Variants in RALGAPA2 observed in about 807,000 individuals in gnomAD.
RALGAPA2 encodes ral GTPase-activating protein subunit alpha-2.
In RALGAPA2, 139 loss-of-function variants were observed where a neutral mutation model predicts 230.4. That is an observed-to-expected ratio of 0.60 (90% CI 0.53 to 0.69). The LOEUF is 0.69. Among genes scored for constraint, RALGAPA2 ranks in the 30% least tolerant of loss-of-function variants. RALGAPA2 has a pLI of 0.00. For missense variants in RALGAPA2, 2,163 were observed against 2,276.0 expected (o/e 0.95, Z 1.01); for synonymous variants, 847 against 837.8 (o/e 1.01, Z -0.19).
intron 16 of RALGAPA2, 125 bp from the exon 17 acceptor site, chr20:20,591,439 T>C: frequency 8.7e-7 from 1 of 1,152,954 alleles, no homozygotes; most frequent in Non-Finnish European, 1.2e-6. Flanking sequence ...TATAGTCAGA[T>C]AATCTGCATT....
chr20:20,488,008 G>A (rs940256062), intron 36 of RALGAPA2, among the ~76,000 whole-genome samples: 4 of 152,124 alleles, frequency 2.6e-5, no homozygotes, highest in Non-Finnish European at 4.4e-5. Context: ...AGGGGGACTG[G>A]TTCCAAAACC....
At chr20:20,415,066 T>C (rs1389187894) in intron 37 of RALGAPA2, among the ~76,000 whole-genome samples, 3 of 152,260 alleles carry the variant, frequency 2.0e-5, no homozygotes, top group African/African-American at 7.2e-5. Context: ...TCATTTCTTT[T>C]AGTAGCCATA....
At chr20:20,558,920 A>C (rs554398418) in intron 23 of RALGAPA2, among the ~76,000 whole-genome samples, 6 of 151,886 alleles carry the variant, frequency 4.0e-5, no homozygotes, top group African/African-American at 1.4e-4. Context: ...CCTGGCTCTC[A>C]GGTTTGGGTG....
intron 1 of RALGAPA2, among the ~76,000 whole-genome samples, chr20:20,684,391 A>C (rs1030338332): frequency 2.0e-5 from 3 of 152,196 alleles, no homozygotes; most frequent in Non-Finnish European, 4.4e-5. Context: ...TCAGACACTC[A>C]AGTATCAGCA....
intron 38 of RALGAPA2, among the ~76,000 whole-genome samples, chr20:20,401,052 T>C (rs1339746871): frequency 6.6e-6 from 1 of 152,096 alleles, no homozygotes; most frequent in Non-Finnish European, 1.5e-5. Flanking sequence ...GGATTGCCTA[T>C]CAGCAGGCTG....
chr20:20,605,822 C>T (rs567380180), intron 14 of RALGAPA2, among the ~76,000 whole-genome samples: 1 of 152,264 alleles, frequency 6.6e-6, no homozygotes, highest in South Asian at 2.1e-4. Context: ...GGATTCACTG[C>T]AGACTTCACA....
chr20:20,538,138 G>C (rs904777917), intron 24 of RALGAPA2, among the ~76,000 whole-genome samples: 1 of 152,210 alleles, frequency 6.6e-6, no homozygotes, highest in Non-Finnish European at 1.5e-5. Context: ...CACCTGCTAG[G>C]AGAGCAACAT....
At chr20:20,424,515 C>T (rs2060341219) in intron 37 of RALGAPA2, among the ~76,000 whole-genome samples, 1 of 152,168 alleles carries the variant, frequency 6.6e-6, no homozygotes, top group South Asian at 2.1e-4. Flanking sequence ...GAGTCAATGT[C>T]ACTTGAACCG....
chr20:20,623,850 CTTT>C (rs2066401250), intron 10 of RALGAPA2, among the ~76,000 whole-genome samples: 1 of 151,842 alleles, frequency 6.6e-6, no homozygotes. Flanking sequence ...TCTTTTATTT[CTTT>C]ATTTCTTTAA....
rs996974899 is a variant in RALGAPA2, at chr20:20,506,562, C to T, written c.4929-1028G>A. On this transcript the variant is annotated intron_variant, in intron 33 of 39. Coordinates refer to ENST00000202677, the MANE Select transcript of RALGAPA2 (RefSeq NM_020343.4). The stretch of plus-strand genomic sequence containing the variant: ...AAGAGTTTTGGTTTTTTTAAAGTTT[C>T]GATGTCCACTTCCAGAGCGGTTCCA... 1.1e-4 allele frequency among the ~76,000 whole-genome samples: 17 copies of T among 152,204 alleles called. No homozygotes were observed. In the South Asian group the frequency reaches 3.3e-3, roughly 30 times the overall value.
rs1414344988 is a variant in RALGAPA2, at chr20:20,640,778, C to G, written c.473G>C (p.Gly158Ala). 2 of 1,613,928 alleles carry G rather than the reference C, an allele frequency of 1.2e-6. No individual in the cohort carries two copies. Among genetic ancestry groups the G allele is most frequent in the Non-Finnish European group, 1.7e-6 (2 of 1,179,832 alleles). ...CCTGGATGACATGACTGCTGGGAAA[C>G]CAGGCACCAGGCAAGCAAAAATCAG... ...QVLIFACLVP[G>A]FPAVMSSRGP... The change falls in exon 6 of 40, where the codon GGT becomes GCT. Residue 158 changes from glycine to alanine, a missense_variant. By Grantham distance (60) the Gly-to-Ala change is moderately conservative. Transcript: ENST00000202677.
chr20:20,702,300 C>T (rs184551754), intron 1 of RALGAPA2, among the ~76,000 whole-genome samples: 1 of 152,078 alleles, frequency 6.6e-6, no homozygotes, highest in East Asian at 1.9e-4. Context: ...GAAGTAGAGG[C>T]CAAGACAGGA....
intron 24 of RALGAPA2, among the ~76,000 whole-genome samples, chr20:20,542,806 C>A (rs574785011): frequency 2.0e-5 from 3 of 151,958 alleles, no homozygotes; most frequent in Admixed American, 6.6e-5. Flanking sequence ...CCATAAAAAC[C>A]CTAGAAAAAA....
At chr20:20,458,441 T>TATAA (rs1204328583) in intron 37 of RALGAPA2, among the ~76,000 whole-genome samples, 12 of 139,822 alleles carry the variant, frequency 8.6e-5, no homozygotes, top group East Asian at 2.1e-4. Context: ...ATTTTTTATA[T>TATAA]TACATATAAT....
chr20:20,632,074 G>T (rs1162010295), intron 9 of RALGAPA2, among the ~76,000 whole-genome samples: 1 of 151,728 alleles, frequency 6.6e-6, no homozygotes, highest in Non-Finnish European at 1.5e-5. Context: ...GCCCAGGCTG[G>T]AGTGCAGTGG....
Position 20,558,807 on chromosome 20 carries a change from T to TAA in RALGAPA2, c.3157-11977_3157-11976dup, listed in dbSNP as rs35519955. Among the ~76,000 whole-genome samples the TAA allele has an allele frequency of 1.2e-3, 109 of 91,206 alleles. 1 individual carries two copies. The highest frequency in any genetic ancestry group is 7.4e-4 in the African/African-American group (18 of 24,380). 59.8% of individuals were successfully genotyped at this position (91,206 alleles called of 152,430 possible). A position where few individuals can be genotyped will look rare whatever the true frequency, so the allele number is the denominator to read the frequency against. On this transcript the variant is annotated intron_variant, in intron 23 of 39. Transcript: ENST00000202677. ...CATTTATCTGTGATCTCAACTCTGC[T>TAA]AAAAAAAAAAAAAAAAAAAGCTCAG...
At chr20:20,525,985 A>G (rs891288414) in intron 28 of RALGAPA2, among the ~76,000 whole-genome samples, 17 of 152,150 alleles carry the variant, frequency 1.1e-4, no homozygotes, top group African/African-American at 3.6e-4. Flanking sequence ...ATGAAGCCCA[A>G]TCTACAAAAG....
At chr20:20,587,200 C>G (rs376058948) in intron 18 of RALGAPA2, among the ~76,000 whole-genome samples, 80 of 152,092 alleles carry the variant, frequency 5.3e-4, no homozygotes, top group African/African-American at 1.8e-3. Context: ...ACCGGATGGA[C>G]AGAAGACTTC....
At chr20:20,470,347 G>A (rs529498275) in intron 37 of RALGAPA2, among the ~76,000 whole-genome samples, 6 of 152,174 alleles carry the variant, frequency 3.9e-5, no homozygotes, top group Non-Finnish European at 7.4e-5. Context: ...CAACTGACAC[G>A]ATTTTAAGGC....
Sources: gnomAD v4.1 joint callset for allele counts (sites outside exome capture counted in the v4.1 genomes callset) on GRCh38, gnomAD v4.1.1 for gene constraint, MANE v1.5 for transcripts, NCBI Gene and HGNC (gene_info 2026-07-23, HGNC 2026-07-21) for gene names.